Variants in YY1 observed in about 807,000 individuals in gnomAD.
YY1 encodes transcriptional repressor protein YY1.
YY1 carries 2 observed loss-of-function variants against 35.6 expected under a neutral mutation model. The observed-to-expected ratio is 0.06, with a 90% CI of 0.02 to 0.18. The LOEUF (loss-of-function observed/expected upper bound fraction) is 0.18, where lower values mean the gene tolerates loss of function less well. Among genes scored for constraint, YY1 ranks in the 10% least tolerant of loss-of-function variants. YY1 has a pLI of 1.00. For missense variants in YY1, 322 were observed against 573.4 expected (o/e 0.56, Z 4.48); for synonymous variants, 268 against 238.9 (o/e 1.12, Z -1.12).
In YY1 at chr14:100,277,273, C is replaced by G; in HGVS notation, c.1063-145C>G. The G allele has an allele frequency of 9.6e-7, 1 of 1,037,040 alleles. No individual in the cohort carries two copies. The highest frequency in any genetic ancestry group is 1.6e-5 in the African/African-American group (1 of 63,824). The allele number at this position is 1,037,040 out of a possible 1,614,324, so 64.2% of individuals were successfully genotyped here. ...GTCCAACCTGCCTGCTGATTCTAGA[C>G]TATATCCACAAAGTTCACCCAGGGC... On this transcript the variant is annotated intron_variant, in intron 4 of 4. Transcript: ENST00000262238. The surrounding 1 kb of genome is among the most constrained non-coding windows in gnomAD (Gnocchi z 5.6).
intron 1 of YY1, among the ~76,000 whole-genome samples, chr14:100,260,076 T>A (rs1236802879): frequency 1.3e-5 from 2 of 151,592 alleles, no homozygotes; most frequent in Non-Finnish European, 2.9e-5. Context: ...AAGACTGGTG[T>A]TTTTTGTTTG....
At chr14:100,265,331 T>TTG (rs1314778374) in intron 2 of YY1, 2 of 151,298 alleles carry the variant, frequency 1.3e-5, no homozygotes, top group Non-Finnish European at 2.9e-5. Flanking sequence ...TGAGCTGAGA[T>TTG]CACGTCATCG....
rs973271590 is a variant in YY1 at position 100,276,402 on chromosome 14, T to C, written c.904-88T>C. On this transcript the variant is annotated intron_variant, in intron 3 of 4. Coordinates refer to ENST00000262238, the MANE Select transcript of YY1 (RefSeq NM_003403.5). The surrounding 1 kb of genome is among the most constrained non-coding windows in gnomAD (Gnocchi z 4.1). The stretch of plus-strand genomic sequence containing the variant: ...TGGGGGGTTGGGGAGGTGGTTTTGT[T>C]TTAATATGTCAGTAAAGGCTGTTAA... 2 of 1,596,488 alleles carry C rather than the reference T, an allele frequency of 1.3e-6. No homozygotes were observed. The highest frequency in any genetic ancestry group is 1.7e-6 in the Non-Finnish European group (2 of 1,166,048).
intron 1 of YY1, among the ~76,000 whole-genome samples, chr14:100,260,614 A>T (rs1891070207): frequency 6.6e-6 from 1 of 151,122 alleles, no homozygotes; most frequent in African/African-American, 2.4e-5. Context: ...CCAGGACTAC[A>T]GGTGCCCGCC....
At chr14:100,243,390 T>A (rs1890779660) in intron 1 of YY1, among the ~76,000 whole-genome samples, 1 of 152,172 alleles carries the variant, frequency 6.6e-6, no homozygotes, top group African/African-American at 2.4e-5. Context: ...GAAGTAACAG[T>A]TTTGCATAAG....
At chr14:100,253,417 C>T (rs1890953101) in intron 1 of YY1, among the ~76,000 whole-genome samples, 1 of 152,084 alleles carries the variant, frequency 6.6e-6, no homozygotes, top group Admixed American at 6.6e-5. Context: ...GTTAGCCAGG[C>T]TAGTCTTTTT....
intron 1 of YY1, among the ~76,000 whole-genome samples, chr14:100,241,203 A>G (rs534668864): frequency 6.6e-6 from 1 of 152,346 alleles, no homozygotes; most frequent in East Asian, 1.9e-4. Context: ...TAGTTAATCT[A>G]ATGCCTGTGA....
chr14:100,277,047 A>C lies in YY1; in HGVS notation c.1063-371A>C. ...ATAGGTAATACTTTAGCCCATAAAT[A>C]AGTGAAAGAACTAGCAGTGCAGCTA... On this transcript the variant is annotated intron_variant, in intron 4 of 4. Coordinates refer to ENST00000262238, the MANE Select transcript of YY1 (RefSeq NM_003403.5). The surrounding 1 kb of genome is among the most constrained non-coding windows in gnomAD (Gnocchi z 5.6). The C allele has an allele frequency of 2.4e-6, 1 of 416,384 alleles. No homozygotes were observed. The highest frequency in any genetic ancestry group is 4.4e-6 in the Non-Finnish European group (1 of 225,990). 25.8% of individuals were successfully genotyped at this position (416,384 alleles called of 1,614,324 possible). A position where few individuals can be genotyped will look rare whatever the true frequency, so the allele number is the denominator to read the frequency against.
intron 1 of YY1, among the ~76,000 whole-genome samples, chr14:100,260,771 C>CTTTTTTTTTTTTTTTTTT (rs71113254): frequency 1.4e-4 from 6 of 42,568 alleles, no homozygotes; most frequent in African/African-American, 1.8e-4. Context: ...GTGCCTGGTC[C>CTTTTTTTTTTTTTTTTTT]TTTTTTTTTT....
intron 1 of YY1, among the ~76,000 whole-genome samples, chr14:100,240,268 G>A (rs1890711873): frequency 7.1e-6 from 1 of 140,538 alleles, no homozygotes; most frequent in Non-Finnish European, 1.6e-5. Flanking sequence ...CAACGGGCGC[G>A]CCCGCCGGCC....
At chr14:100,275,155 G>A (rs1039788268) in intron 3 of YY1, among the ~76,000 whole-genome samples, 2 of 152,128 alleles carry the variant, frequency 1.3e-5, no homozygotes, top group African/African-American at 4.8e-5. Context: ...CTTAATAATT[G>A]TGTGTGATTA....
At chr14:100,260,988 C>T (rs1472239372) in intron 1 of YY1, among the ~76,000 whole-genome samples, 1 of 149,010 alleles carries the variant, frequency 6.7e-6, no homozygotes, top group African/African-American at 2.5e-5. Flanking sequence ...GAGATGGGGT[C>T]TCTCCCTTTA....
chr14:100,262,254 T>G (rs752564761), intron 1 of YY1, 50 bp from the exon 2 acceptor site: 22 of 1,606,490 alleles, frequency 1.4e-5, no homozygotes, highest in Non-Finnish European at 1.8e-5. Flanking sequence ...GTTTTTGTAG[T>G]TTTTAAAATC....
intron 1 of YY1, among the ~76,000 whole-genome samples, chr14:100,242,389 T>G (rs1312749283): frequency 0.03 from 4,092 of 134,776 alleles, 158 homozygotes; most frequent in Non-Finnish European, 0.046. Flanking sequence ...TTTTTTTTTT[T>G]TTTTTTTTTT....
At chr14:100,263,379 A>G (rs970239626) in intron 2 of YY1, among the ~76,000 whole-genome samples, 2 of 152,346 alleles carry the variant, frequency 1.3e-5, no homozygotes, top group African/African-American at 4.8e-5. Context: ...TGACAGGAGG[A>G]GATCAAGTAT....
intron 1 of YY1, among the ~76,000 whole-genome samples, chr14:100,241,514 C>G (rs75187700): frequency 0.034 from 5,148 of 152,200 alleles, 135 homozygotes; most frequent in Non-Finnish European, 0.051. Context: ...TGCTAACAGG[C>G]GCTGTCCTGC....
rs1036703371 is a variant in YY1 at position 100,280,212 on chromosome 14, A to C, written c.*2612A>C. On this transcript the variant is annotated 3_prime_UTR_variant, in exon 5 of 5. Coordinates refer to ENST00000262238, the MANE Select transcript of YY1 (RefSeq NM_003403.5). ...CATTCTGCTTGTGGTTAGAATTTAT[A>C]ATTTTGCTAACGATGTAATTTACTA... The C allele has an allele frequency of 2.0e-5, 3 of 152,206 alleles. No individual in the cohort carries two copies. The highest frequency in any genetic ancestry group is 7.2e-5 in the African/African-American group (3 of 41,452). The allele number at this position is 152,206 out of a possible 1,614,324, so 9.4% of individuals were successfully genotyped here. A position where few individuals can be genotyped will look rare whatever the true frequency, so the allele number is the denominator to read the frequency against.
intron 1 of YY1, among the ~76,000 whole-genome samples, chr14:100,252,385 T>TA (rs1890937642): frequency 6.6e-6 from 1 of 152,218 alleles, no homozygotes; most frequent in Non-Finnish European, 1.5e-5. Flanking sequence ...TTCTGAATAG[T>TA]ACCATATGCA....
intron 1 of YY1, among the ~76,000 whole-genome samples, chr14:100,246,844 T>G (rs1421771429): frequency 3.3e-5 from 5 of 152,144 alleles, no homozygotes; most frequent in Non-Finnish European, 7.3e-5. Flanking sequence ...CAAAAAGCCC[T>G]CCAAAGTAAT....
Sources: allele counts gnomAD v4.1 joint callset (sites outside exome capture counted in the v4.1 genomes callset), GRCh38; gene constraint gnomAD v4.1.1; non-coding constraint Gnocchi (gnomAD v3.1); transcripts MANE v1.5; gene names NCBI Gene and HGNC (gene_info 2026-07-23, HGNC 2026-07-21).